Variants in DLGAP2 observed in about 807,000 individuals in gnomAD.
The protein encoded by DLGAP2 is disks large-associated protein 2.
A neutral mutation model predicts 100.3 loss-of-function variants in DLGAP2; 26 were observed. The observed-to-expected ratio is 0.26, with a 90% CI of 0.19 to 0.36. The LOEUF is 0.36. Ranked by LOEUF, DLGAP2 falls within the 10% of genes least tolerant of loss-of-function variation. DLGAP2 has a pLI of 1.00. For missense variants in DLGAP2, 1,858 were observed against 1,453.2 expected (o/e 1.28, Z -4.53); for synonymous variants, 886 against 630.1 (o/e 1.41, Z -6.08).
chr8:1,436,279 TGAGTCCAA>T (rs1797624885), intron 3 of DLGAP2, among the ~76,000 whole-genome samples: 1 of 151,730 alleles, frequency 6.6e-6, no homozygotes, highest in South Asian at 2.1e-4. Flanking sequence ...ACCACTGGTG[TGAGTCCAA>T]GAGTCCAAAA....
chr8:844,083 T>A (rs1797030498), intron 1 of DLGAP2, among the ~76,000 whole-genome samples: 1 of 152,238 alleles, frequency 6.6e-6, no homozygotes, highest in African/African-American at 2.4e-5. Flanking sequence ...ATTTTTTTCA[T>A]TTGTTTAACA....
At chr8:808,318 T>C (rs1358964011) in intron 1 of DLGAP2, among the ~76,000 whole-genome samples, 1 of 151,604 alleles carries the variant, frequency 6.6e-6, no homozygotes, top group Non-Finnish European at 1.5e-5. Context: ...GCCAGGAGAG[T>C]GATGGTGCAT....
chr8:1,236,270 T>TCTGGTTCTCTCACATGGCGCCGTG (rs1300566990), intron 2 of DLGAP2, among the ~76,000 whole-genome samples: 1 of 14,158 alleles, frequency 7.1e-5, no homozygotes, highest in Non-Finnish European at 1.2e-4. Context: ...ATGGTGCCGT[T>TCTGGTTCTCTCACATGGCGCCGTG]TCTAGTTCTC....
chr8:739,077 C>T (rs907155475), intron 1 of DLGAP2: 5 of 154,440 alleles, frequency 3.2e-5, no homozygotes, highest in African/African-American at 7.2e-5. Flanking sequence ...CGGCCCCGGT[C>T]TTCTATCGAT....
chr8:963,682 G>A (rs1331267661), intron 2 of DLGAP2, among the ~76,000 whole-genome samples: 1 of 142,034 alleles, frequency 7.0e-6, no homozygotes, highest in East Asian at 1.9e-4. Context: ...CTCTGCCTCG[G>A]TGAATTTTAA....
chr8:1,493,370 C>T (rs1799449441), intron 3 of DLGAP2, among the ~76,000 whole-genome samples: 1 of 152,198 alleles, frequency 6.6e-6, no homozygotes, highest in Admixed American at 6.5e-5. Flanking sequence ...CTGCCTCCAT[C>T]TCCGCAGCTC....
chr8:1,266,401 T>C (rs1799451953), intron 3 of DLGAP2, among the ~76,000 whole-genome samples: 1 of 152,170 alleles, frequency 6.6e-6, no homozygotes, highest in African/African-American at 2.4e-5. Context: ...GGAAGCAGCA[T>C]CTCTGCTGTC....
Position 1,025,581 on chromosome 8 carries a change from G to T in DLGAP2, c.73+117615G>T, listed in dbSNP as rs566195372. On this transcript the variant is annotated intron_variant, in intron 2 of 14. Coordinates refer to ENST00000637795, the MANE Select transcript of DLGAP2 (RefSeq NM_001346810.2). ...CGATATGGCGGAGAGCAGCTGTGTG[G>T]AATTCTGCCGCTCGGTGAGGATGAG... 5.3e-5 allele frequency among the ~76,000 whole-genome samples: 8 copies of T among 152,274 alleles called. No individual in the cohort carries two copies. The South Asian group carries it at 1.7e-3, about 32-fold the overall frequency.
intron 8 of DLGAP2, among the ~76,000 whole-genome samples, chr8:1,657,941 A>T (rs7462175): frequency 0.23 from 34,776 of 152,054 alleles, 4,568 homozygotes; most frequent in East Asian, 0.48. Flanking sequence ...TAGAAAAAGA[A>T]GTGAGAGAGA....
At chr8:1,358,700 A>C (rs7836588) in intron 3 of DLGAP2, among the ~76,000 whole-genome samples, 47,179 of 151,970 alleles carry the variant, frequency 0.31, 7,516 homozygotes, top group African/African-American at 0.35. Flanking sequence ...GAAACGTGTT[A>C]TCCCCACTGT....
chr8:802,594 G>T (rs934650570), intron 1 of DLGAP2, among the ~76,000 whole-genome samples: 2 of 152,164 alleles, frequency 1.3e-5, no homozygotes, highest in African/African-American at 2.4e-5. Flanking sequence ...GGCGGGGTGG[G>T]ACCCAGCCAC....
chr8:1,549,623 G>A lies in DLGAP2; in HGVS notation c.1170G>A (p.Leu390=), dbSNP rs1432337066. 3.2e-6 allele frequency: 5 copies of A among 1,572,906 alleles called. No homozygotes were observed. Among genetic ancestry groups the A allele is most frequent in the Non-Finnish European group, 4.3e-6 (5 of 1,162,708 alleles). The change falls in exon 5 of 15, where the codon CTG becomes CTA. Residue 390 remains leucine (L), a synonymous_variant. Transcript: ENST00000637795. ...CCTACCGCAAGAGCTCGCTGAACCT[G>A]GACAAGCCGCTGCTGCACCAGGACG... ...KEAYRKSSLN[L]DKPLLHQDAK...
At chr8:1,442,906 G>C (rs1436751847) in intron 3 of DLGAP2, among the ~76,000 whole-genome samples, 1 of 152,246 alleles carries the variant, frequency 6.6e-6, no homozygotes, top group East Asian at 1.9e-4. Context: ...CTATTTGTAT[G>C]ACATAAATTT....
intron 1 of DLGAP2, among the ~76,000 whole-genome samples, chr8:884,919 T>A (rs1254102193): frequency 2.6e-5 from 4 of 152,158 alleles, no homozygotes; most frequent in Non-Finnish European, 1.5e-5. Flanking sequence ...TTTTGTCAGG[T>A]TTGTTGAAGA....
chr8:1,099,564 C>T (rs1430029999), intron 2 of DLGAP2, among the ~76,000 whole-genome samples: 1 of 152,200 alleles, frequency 6.6e-6, no homozygotes, highest in African/African-American at 2.4e-5. Flanking sequence ...TCGTCCCTTT[C>T]AGAGGCTACC....
At chr8:1,118,715 C>T (rs1795960319) in intron 2 of DLGAP2, among the ~76,000 whole-genome samples, 1 of 152,172 alleles carries the variant, frequency 6.6e-6, no homozygotes, top group Admixed American at 6.5e-5. Flanking sequence ...ACCGAAAGAA[C>T]TTGGAGATAA....
At chr8:813,049 C>G (rs1796400104) in intron 1 of DLGAP2, among the ~76,000 whole-genome samples, 2 of 152,074 alleles carry the variant, frequency 1.3e-5, no homozygotes, top group African/African-American at 2.4e-5. Context: ...TCATAATACC[C>G]CGGTATGCTT....
chr8:1,081,476 C>G (rs1221938320), intron 2 of DLGAP2, among the ~76,000 whole-genome samples: 1 of 152,150 alleles, frequency 6.6e-6, no homozygotes, highest in Non-Finnish European at 1.5e-5. Flanking sequence ...CTCAGCCTCC[C>G]TAGTAGCTGG....
At chr8:1,304,826 C>G (rs1381664749) in intron 3 of DLGAP2, among the ~76,000 whole-genome samples, 1 of 152,142 alleles carries the variant, frequency 6.6e-6, no homozygotes, top group Non-Finnish European at 1.5e-5. Context: ...ATAATAAATG[C>G]TAAACACCCT....
Sources: gnomAD v4.1 joint callset for allele counts (sites outside exome capture counted in the v4.1 genomes callset) on GRCh38, gnomAD v4.1.1 for gene constraint, MANE v1.5 for transcripts, NCBI Gene and HGNC (gene_info 2026-07-23, HGNC 2026-07-21) for gene names.